PCNX1: variants seen among roughly 807,000 people sequenced by gnomAD.
PCNX1 encodes pecanex-like protein 1.
PCNX1 carries 78 observed loss-of-function variants against 242.2 expected under a neutral mutation model. The observed-to-expected ratio is 0.32, with a 90% CI of 0.27 to 0.39. The LOEUF (loss-of-function observed/expected upper bound fraction) is 0.39, where lower values mean the gene tolerates loss of function less well. Ranked by LOEUF, PCNX1 falls within the 10% of genes least tolerant of loss-of-function variation. The pLI, the probability that PCNX1 is intolerant of heterozygous loss-of-function variation, is 1.00. For missense variants in PCNX1, 2,581 were observed against 2,856.5 expected, an observed-to-expected ratio of 0.90 and a Z score of 2.20; for synonymous variants, 1,024 against 1,032.9, an observed-to-expected ratio of 0.99 and a Z score of 0.17.
At position 71,088,349 on chromosome 14, in the gene PCNX1, A is replaced by AT. The variant is rs1224928186; in HGVS notation, c.5359dup (p.Ser1787PhefsTer28). On this transcript the variant is annotated frameshift_variant, in exon 29 of 36. Transcript: ENST00000304743. LOFTEE classifies it high-confidence loss of function. ...TTAAAGCCTGTGGATGTGGACAAAG[A>AT]TTCATCCCTAGTGACTCTCTGTTAT... The AT allele has an allele frequency of 6.2e-7, 1 of 1,609,294 alleles. No homozygotes were observed. The highest frequency in any genetic ancestry group is 8.5e-7 in the Non-Finnish European group (1 of 1,176,062).
At chr14:70,994,396 G>GATATAGATATAT (rs1555357280) in intron 7 of PCNX1, among the ~76,000 whole-genome samples, 1 of 96,972 alleles carries the variant, frequency 1.0e-5, no homozygotes, top group Admixed American at 1.0e-4. Flanking sequence ...ACAGGCTTAA[G>GATATAGATATAT]ATATATATAT....
chr14:71,018,692 A>G (rs2060020108), intron 11 of PCNX1, among the ~76,000 whole-genome samples: 1 of 152,162 alleles, frequency 6.6e-6, no homozygotes, highest in Non-Finnish European at 1.5e-5. Context: ...AAGTTGGTTA[A>G]CTATTTTGCA....
intron 26 of PCNX1, among the ~76,000 whole-genome samples, chr14:71,066,203 C>T (rs1042006091): frequency 4.6e-5 from 7 of 152,142 alleles, no homozygotes; most frequent in South Asian, 2.1e-4. Context: ...TTACTTTGGG[C>T]AGTATGGCCA....
chr14:71,047,102 C>T lies in PCNX1; in HGVS notation c.4157C>T (p.Thr1386Ile), dbSNP rs1258801607. 1.3e-6 allele frequency: 2 copies of T among 1,594,586 alleles called. No homozygotes were observed. Among genetic ancestry groups the T allele is most frequent in the South Asian group, 2.2e-5 (2 of 89,454 alleles). ...ETIASPKKLN[T>I]ELGALMITVA... The stretch of plus-strand genomic sequence containing the variant: ...ATTGCTAGTCCAAAGAAACTGAATA[C>T]AGAGTAAGTATAGTAGTCTTCTAAT... The change falls in exon 21 of 36, where the codon ACA becomes ATA. Residue 1386 changes from threonine to isoleucine, a missense_variant. By Grantham distance (89) the Thr-to-Ile change is moderately conservative. This residue lies in a region of PCNX1 where 432 missense variants were observed against 443.1 expected (regional missense o/e 0.97). Coordinates refer to ENST00000304743, the MANE Select transcript of PCNX1 (RefSeq NM_014982.3).
chr14:70,924,810 A>G (rs181428609), intron 1 of PCNX1, among the ~76,000 whole-genome samples: 2 of 151,520 alleles, frequency 1.3e-5, no homozygotes, highest in Non-Finnish European at 2.9e-5. Flanking sequence ...GCTGGTCTTG[A>G]GCTCCTGGGC....
chr14:71,101,079 C>A (rs1311463389), intron 30 of PCNX1, among the ~76,000 whole-genome samples: 2 of 152,190 alleles, frequency 1.3e-5, no homozygotes, highest in Non-Finnish European at 2.9e-5. Flanking sequence ...CAGGCTCTAT[C>A]CTTAAGGATA....
chr14:71,016,075 T>C (rs998327591), intron 11 of PCNX1, among the ~76,000 whole-genome samples: 1 of 152,172 alleles, frequency 6.6e-6, no homozygotes, highest in Non-Finnish European at 1.5e-5. Flanking sequence ...AGATATACCA[T>C]GCTAACATTA....
At chr14:70,968,598 A>G (rs1443368641) in intron 4 of PCNX1, among the ~76,000 whole-genome samples, 1 of 152,242 alleles carries the variant, frequency 6.6e-6, no homozygotes, top group Non-Finnish European at 1.5e-5. Flanking sequence ...AAATGAAAGA[A>G]CAAAAAAGAG....
chr14:71,035,666 G>A (rs2060509022), intron 18 of PCNX1, among the ~76,000 whole-genome samples: 2 of 149,950 alleles, frequency 1.3e-5, no homozygotes, highest in African/African-American at 4.9e-5. Context: ...AGCACTTTGG[G>A]AGGCCAAGAT....
At position 70,977,015 on chromosome 14, in the gene PCNX1, C is replaced by T; in HGVS notation, c.678C>T (p.Ser226=). 6.2e-7 allele frequency: 1 copy of T among 1,614,066 alleles called. No homozygotes were observed. Among genetic ancestry groups the T allele is most frequent in the Non-Finnish European group, 8.5e-7 (1 of 1,179,968 alleles). Residue 226 remains serine (S), a synonymous_variant, in exon 6 of 36, where the codon TCC becomes TCT. Coordinates refer to ENST00000304743, the MANE Select transcript of PCNX1 (RefSeq NM_014982.3). ...DSFISIQPSL[S]SCGQDLPRDF... ...TCATCTCTATTCAGCCTTCCTTATCCTCTTGTGGACAGGACTTGCCAAGGG... is the reference window on the plus strand; with the variant it reads ...TCATCTCTATTCAGCCTTCCTTATCTTCTTGTGGACAGGACTTGCCAAGGG...
At chr14:71,104,563 C>T (rs1301878346) in intron 32 of PCNX1, among the ~76,000 whole-genome samples, 2 of 152,054 alleles carry the variant, frequency 1.3e-5, no homozygotes, top group Non-Finnish European at 1.5e-5. Flanking sequence ...ACTATATTAA[C>T]AGTATAAATA....
intron 1 of PCNX1, among the ~76,000 whole-genome samples, chr14:70,910,388 ATTC>A (rs2055843171): frequency 6.6e-6 from 1 of 151,292 alleles, no homozygotes; most frequent in Non-Finnish European, 1.5e-5. Flanking sequence ...AGATCATGTC[ATTC>A]TTCTGCTCTC....
intron 2 of PCNX1, among the ~76,000 whole-genome samples, chr14:70,959,304 A>G (rs2810103): frequency 0.7 from 100,393 of 143,852 alleles, 35,082 homozygotes; most frequent in South Asian, 0.77. Context: ...ATGTATACAC[A>G]TGCCATGCTG....
At position 71,045,174 on chromosome 14, in the gene PCNX1, G is replaced by C; in HGVS notation, c.3909G>C (p.Val1303=). ...TGTTGTATACATTGGTTGGCTTTGT[G>C]GGTTTTGTAACCCATTATGTGCTGC... ...KYVLYTLVGF[V]GFVTHYVLPQ... is the part of the protein sequence containing the mutation. The change falls in exon 20 of 36, where the codon GTG becomes GTC. Residue 1303 remains valine (V), a synonymous_variant. Coordinates refer to ENST00000304743, the MANE Select transcript of PCNX1 (RefSeq NM_014982.3). The C allele has an allele frequency of 6.2e-7, 1 of 1,612,680 alleles. No homozygotes were observed.
Position 71,109,867 on chromosome 14 carries a change from G to A in PCNX1, c.6958G>A (p.Val2320Ile). ...RSHIDKAVLL[V>I]QIDDKYVTVI... ...CCACATCGACAAGGCAGTGCTTCTG[G>A]TCCAGATTGATGATAAATATGTGAC... Residue 2320 changes from valine to isoleucine, a missense_variant, in exon 36 of 36, where the codon GTC becomes ATC. This residue lies in a region of PCNX1 where 432 missense variants were observed against 433.6 expected (regional missense o/e 1.00). Transcript: ENST00000304743. The A allele has an allele frequency of 1.2e-6, 2 of 1,613,304 alleles. No homozygotes were observed. Among genetic ancestry groups the A allele is most frequent in the Non-Finnish European group, 1.7e-6 (2 of 1,179,322 alleles).
chr14:70,988,481 G>A, intron 6 of PCNX1, 86 bp from the exon 7 acceptor site: 1 of 1,395,720 alleles, frequency 7.2e-7, no homozygotes, highest in East Asian at 2.3e-5. Context: ...ACCCATGAGG[G>A]TGGGAAGTCA....
intron 7 of PCNX1, among the ~76,000 whole-genome samples, chr14:70,991,613 G>A (rs1002660719): frequency 3.9e-5 from 6 of 152,142 alleles, no homozygotes; most frequent in Non-Finnish European, 8.8e-5. Flanking sequence ...TACAAAGGTT[G>A]CATATATCTT....
intron 10 of PCNX1, chr14:71,012,756 G>A (rs916684776): frequency 5.3e-5 from 23 of 433,894 alleles, no homozygotes; most frequent in Non-Finnish European, 9.6e-5. Flanking sequence ...TGCTTGAACC[G>A]GGGAGGCAGA....
chr14:70,930,108 A>G (rs1007978206), intron 1 of PCNX1, among the ~76,000 whole-genome samples: 5 of 151,344 alleles, frequency 3.3e-5, no homozygotes, highest in African/African-American at 9.7e-5. Flanking sequence ...GTGCCTGTGC[A>G]TATGTTGTGT....
Sources: gnomAD v4.1 joint callset for allele counts (sites outside exome capture counted in the v4.1 genomes callset) on GRCh38, gnomAD v4.1.1 for gene constraint, gnomAD v4.1.1 regional missense constraint, MANE v1.5 for transcripts, NCBI Gene and HGNC (gene_info 2026-07-23, HGNC 2026-07-21) for gene names.